The following HNRNPR variants were observed in gnomAD, a reference collection of about 807,000 sequenced individuals.
HNRNPR encodes heterogeneous nuclear ribonucleoprotein R.
In HNRNPR, 4 loss-of-function variants were observed where a neutral mutation model predicts 70.3. The observed-to-expected ratio is 0.06, with a 90% CI of 0.03 to 0.13. The LOEUF (loss-of-function observed/expected upper bound fraction) is 0.13, where lower values mean the gene tolerates loss of function less well. Among genes scored for constraint, HNRNPR ranks in the 10% least tolerant of loss-of-function variants. The pLI is 1.00. For missense variants in HNRNPR, 423 were observed against 788.5 expected (o/e 0.54, Z 5.55); for synonymous variants, 241 against 267.6 (o/e 0.90, Z 0.97).
chr1:23,319,242 A>C (rs941256228), intron 7 of HNRNPR, among the ~76,000 whole-genome samples: 1 of 152,176 alleles, frequency 6.6e-6, no homozygotes, highest in African/African-American at 2.4e-5. Context: ...ATAAATACTT[A>C]GATTTTTTTC....
chr1:23,313,227 G>C (rs1645403663), intron 9 of HNRNPR, among the ~76,000 whole-genome samples: 1 of 152,130 alleles, frequency 6.6e-6, no homozygotes, highest in Non-Finnish European at 1.5e-5. Context: ...CAACTAAGTA[G>C]TTATAATGCA....
chr1:23,311,585 G>T, intron 9 of HNRNPR: 1 of 275,928 alleles, frequency 3.6e-6, no homozygotes, highest in South Asian at 5.4e-5. Context: ...AAGGTAAAAG[G>T]GCTGCCACCT....
Position 23,318,129 on chromosome 1 carries a change from A to G in HNRNPR, c.1017+354T>C, listed in dbSNP as rs1228319892. ...ATAGTCAATGAAGATTATAACTTAT[A>G]ATCTCCAAAACATTACTTCTCTCTT... On this transcript the variant is annotated intron_variant, in intron 8 of 10. Coordinates refer to ENST00000302271, the MANE Select transcript of HNRNPR (RefSeq NM_005826.5). This position sits in a 1 kb window ranked among gnomAD's most constrained non-coding sequence, Gnocchi z 4.2. Among the ~76,000 whole-genome samples, 2 of 151,570 alleles carry G rather than the reference A, an allele frequency of 1.3e-5. No individual in the cohort carries two copies. The highest frequency in any genetic ancestry group is 2.9e-5 in the Non-Finnish European group (2 of 67,924).
intron 4 of HNRNPR, 100 bp downstream of exon 4, chr1:23,337,654 C>CAAAAA (rs372423149): frequency 6.4e-6 from 4 of 624,064 alleles, no homozygotes; most frequent in Middle Eastern, 4.9e-4. Flanking sequence ...GACTCCGTCT[C>CAAAAA]AAAAAAAAAA....
At chr1:23,313,819 T>C (rs567523384) in intron 8 of HNRNPR, 117 bp from the exon 9 acceptor site, 1 of 1,123,104 alleles carries the variant, frequency 8.9e-7, no homozygotes, top group South Asian at 1.5e-5. Context: ...GCTAAAAGTG[T>C]TGTTACAGGT....
chr1:23,320,455 G>A (rs577682393), intron 7 of HNRNPR, among the ~76,000 whole-genome samples: 2 of 152,266 alleles, frequency 1.3e-5, no homozygotes, highest in East Asian at 3.9e-4. Context: ...CTAAAGCCCT[G>A]GATGGTTCAC....
chr1:23,321,530 G>C lies in HNRNPR; in HGVS notation c.809C>G (p.Thr270Arg). 1 of 1,611,404 alleles carries C rather than the reference G, an allele frequency of 6.2e-7. No homozygotes were observed. Among genetic ancestry groups the C allele is most frequent in the Non-Finnish European group, 8.5e-7 (1 of 1,178,368 alleles). Residue 270 changes from threonine (T) to arginine (R), a missense_variant and splice_region_variant, in exon 7 of 11, where the codon ACA becomes AGA. By Grantham distance (71) the Thr-to-Arg change is moderately conservative. Coordinates refer to ENST00000302271, the MANE Select transcript of HNRNPR (RefSeq NM_005826.5). ...TTCTAAATACATTTTTGTTTTACCT[G>C]TGACTTTACTGAATTCTTCCAAAAT... is the stretch of plus-strand genomic sequence containing the variant. ...ENILEEFSKV[T>R]EGLVDVILYH...
chr1:23,310,947 T>G lies in HNRNPR; in HGVS notation c.1409A>C (p.Tyr470Ser). 1.9e-6 allele frequency: 3 copies of G among 1,614,138 alleles called. No homozygotes were observed. The highest frequency in any genetic ancestry group is 2.5e-6 in the Non-Finnish European group (3 of 1,180,022). The change falls in exon 11 of 11, where the codon TAC becomes TCC. Residue 470 changes from tyrosine to serine, a missense_variant. This residue lies in a region of HNRNPR where 169 missense variants were observed against 195.6 expected (regional missense o/e 0.86). Transcript: ENST00000302271. This position sits in a 1 kb window ranked among gnomAD's most constrained non-coding sequence, Gnocchi z 6.0. ...ATCATAACCATAGTAATCATCATAG[T>G]AATCTTCATAGCCGTAGTAATCTGG... ...YPPDYYGYED[Y>S]YDDYYGYDYH...
chr1:23,333,522 G>C lies in HNRNPR; in HGVS notation c.494C>G (p.Thr165Arg), dbSNP rs142602286. ...VYSGVQPGIGTEVFVGKIPRD... is the reference protein window; with the variant it reads ...VYSGVQPGIGREVFVGKIPRD... Reference sequence around the variant, plus strand: ...AAACTGCTAAAGAACACTTACCTCCGTTCCAATTCCAGGTTGCACGCCAGA... The same window carrying C: ...AAACTGCTAAAGAACACTTACCTCCCTTCCAATTCCAGGTTGCACGCCAGA... The change falls in exon 5 of 11, where the codon ACG (threonine) becomes AGG (arginine). Residue 165 changes from threonine to arginine, a missense_variant. By Grantham distance (71) the Thr-to-Arg change is moderately conservative. Around this residue, in one of 7 missense-constraint regions of HNRNPR, gnomAD observed 118 missense variants for 239.3 expected, o/e 0.49. Transcript: ENST00000302271. 2 of 1,595,238 alleles carry C rather than the reference G, an allele frequency of 1.3e-6. No homozygotes were observed. The highest frequency in any genetic ancestry group is 1.1e-5 in the South Asian group (1 of 90,698).
chr1:23,339,021 G>C (rs1173445412), intron 2 of HNRNPR, among the ~76,000 whole-genome samples: 1 of 152,294 alleles, frequency 6.6e-6, no homozygotes. Context: ...TCAAATTACA[G>C]ACGGTTACAG....
At chr1:23,325,900 G>A (rs866297762) in intron 5 of HNRNPR, among the ~76,000 whole-genome samples, 16 of 152,066 alleles carry the variant, frequency 1.1e-4, no homozygotes, top group Admixed American at 1.3e-4. Context: ...TCACCTTGTC[G>A]CCCAGGCTGC....
At chr1:23,313,907 ATGTTG>A (rs1645432509) in intron 8 of HNRNPR, among the ~76,000 whole-genome samples, 1 of 152,172 alleles carries the variant, frequency 6.6e-6, no homozygotes, top group Admixed American at 6.5e-5. Flanking sequence ...GCCTTCTCCT[ATGTTG>A]TCATTAAAGC....
chr1:23,324,359 G>T (rs891700492), intron 5 of HNRNPR, among the ~76,000 whole-genome samples: 2 of 152,050 alleles, frequency 1.3e-5, no homozygotes, highest in Non-Finnish European at 2.9e-5. Context: ...ACAAGGTCAG[G>T]AGATCGAGAC....
At chr1:23,339,304 A>G (rs1353051114) in intron 2 of HNRNPR, among the ~76,000 whole-genome samples, 1 of 152,248 alleles carries the variant, frequency 6.6e-6, no homozygotes, top group Non-Finnish European at 1.5e-5. Flanking sequence ...ACAAGCTGAG[A>G]TTTAAAAGAT....
chr1:23,312,782 C>A (rs1053405522), intron 9 of HNRNPR, among the ~76,000 whole-genome samples: 9 of 152,204 alleles, frequency 5.9e-5, no homozygotes, highest in African/African-American at 2.2e-4. Flanking sequence ...AGAAAAAGAA[C>A]CATGCCTGTG....
chr1:23,324,245 TCTC>T (rs746641164), intron 5 of HNRNPR, among the ~76,000 whole-genome samples: 1 of 151,998 alleles, frequency 6.6e-6, no homozygotes, highest in African/African-American at 2.4e-5. Context: ...CCTCAAGTTA[TCTC>T]CTCAACTCTA....
In HNRNPR at chr1:23,306,610, CA is replaced by C. The variant is rs1440120659; in HGVS notation, c.*3843del. ...AAAAAAACAAAAAAACAAAACAAAA[CA>C]AAACAAAACCAGAGCTTCTGGTAAC... On this transcript the variant is annotated 3_prime_UTR_variant, in exon 11 of 11. Coordinates refer to ENST00000302271, the MANE Select transcript of HNRNPR (RefSeq NM_005826.5). 1 of 151,650 alleles carries C rather than the reference CA, an allele frequency of 6.6e-6. No homozygotes were observed. Among genetic ancestry groups the C allele is most frequent in the African/African-American group, 2.4e-5 (1 of 41,296 alleles). 9.4% of individuals were successfully genotyped at this position (151,650 alleles called of 1,614,324 possible). A position where few individuals can be genotyped will look rare whatever the true frequency, so the allele number is the denominator to read the frequency against.
At chr1:23,316,354 C>G (rs907066132) in intron 8 of HNRNPR, among the ~76,000 whole-genome samples, 2 of 152,048 alleles carry the variant, frequency 1.3e-5, no homozygotes, top group Non-Finnish European at 2.9e-5. Flanking sequence ...ATATTTAATC[C>G]TAAGTTTATA....
At chr1:23,323,131 C>G (rs948537986) in intron 6 of HNRNPR, among the ~76,000 whole-genome samples, 1 of 152,164 alleles carries the variant, frequency 6.6e-6, no homozygotes. Flanking sequence ...AGATTCACAA[C>G]TATTTTCTGA....
Sources: gnomAD v4.1 joint callset for allele counts (sites outside exome capture counted in the v4.1 genomes callset) on GRCh38, gnomAD v4.1.1 for gene constraint, gnomAD v4.1.1 regional missense constraint, Gnocchi (gnomAD v3.1) non-coding constraint, MANE v1.5 for transcripts, NCBI Gene and HGNC (gene_info 2026-07-23, HGNC 2026-07-21) for gene names.